TMEM50B: variants seen among roughly 807,000 people sequenced by gnomAD.
TMEM50B encodes transmembrane protein 50B.
A neutral mutation model predicts 23.4 loss-of-function variants in TMEM50B; 14 were observed. The ratio of observed to expected loss-of-function variants is 0.60; its 90% CI spans 0.39 to 0.93. The LOEUF (loss-of-function observed/expected upper bound fraction) is 0.93. TMEM50B is among the 40% of genes least tolerant of loss of function. TMEM50B has a pLI of 0.00. For missense variants in TMEM50B, 159 were observed against 193.0 expected (o/e 0.82, Z 1.04); for synonymous variants, 64 against 62.3 (o/e 1.03, Z -0.13).
chr21:33,436,797 A>C, intron 8 of TMEM50B: 1 of 1,603,818 alleles, frequency 6.2e-7, no homozygotes. Flanking sequence ...CTGGTAAACT[A>C]ATTACAATTT....
intron 8 of TMEM50B, among the ~76,000 whole-genome samples, chr21:33,436,423 C>A (rs1420267275): frequency 6.6e-6 from 1 of 151,056 alleles, no homozygotes; most frequent in Non-Finnish European, 1.5e-5. Flanking sequence ...AATAACTATA[C>A]CAATTAAAAC....
chr21:33,443,541 G>A (rs1422830567), intron 7 of TMEM50B, among the ~76,000 whole-genome samples: 3 of 152,292 alleles, frequency 2.0e-5, no homozygotes, highest in East Asian at 3.9e-4. Flanking sequence ...AAAGACTGAA[G>A]AACCATTCCA....
At chr21:33,475,476 A>T (rs756493266) in intron 1 of TMEM50B, among the ~76,000 whole-genome samples, 2 of 151,872 alleles carry the variant, frequency 1.3e-5, no homozygotes, top group Non-Finnish European at 2.9e-5. Flanking sequence ...CCTCCCAAGT[A>T]GCTGGGATTA....
chr21:33,462,102 T>A (rs1361298644), intron 4 of TMEM50B, among the ~76,000 whole-genome samples: 2 of 152,192 alleles, frequency 1.3e-5, no homozygotes, highest in East Asian at 3.8e-4. Flanking sequence ...ATCATTTTTC[T>A]ACCTAGTTCC....
intron 4 of TMEM50B, among the ~76,000 whole-genome samples, chr21:33,463,444 A>G (rs891646865): frequency 6.6e-6 from 1 of 152,236 alleles, no homozygotes; most frequent in Non-Finnish European, 1.5e-5. Flanking sequence ...CAACCATCAT[A>G]GAAAGTAGAT....
At chr21:33,460,564 G>A (rs1228745230) in intron 4 of TMEM50B, 59 bp from the exon 5 acceptor site, 2 of 986,142 alleles carry the variant, frequency 2.0e-6, no homozygotes, top group Non-Finnish European at 1.5e-6. Context: ...AACGTCTTAG[G>A]AATACATAAT....
chr21:33,468,121 A>T (rs1025111030), intron 2 of TMEM50B, among the ~76,000 whole-genome samples: 2 of 147,152 alleles, frequency 1.4e-5, no homozygotes, highest in African/African-American at 4.9e-5. Context: ...ATAAACCAAG[A>T]TAGGTCCTGA....
chr21:33,443,285 C>G (rs1057267692), intron 7 of TMEM50B, among the ~76,000 whole-genome samples: 1 of 152,172 alleles, frequency 6.6e-6, no homozygotes, highest in African/African-American at 2.4e-5. Context: ...TCCTGTGACC[C>G]TTAATACAAC....
chr21:33,465,380 C>G lies in TMEM50B; in HGVS notation c.242G>C (p.Arg81Thr). 1 of 1,613,190 alleles carries G rather than the reference C, an allele frequency of 6.2e-7. No homozygotes were observed. The highest frequency in any genetic ancestry group is 8.5e-7 in the Non-Finnish European group (1 of 1,179,796). ...MINAVSNAQV[R>T]GDSYESGCLG... ...ACAGCCGCTTTCATAGCTATCACCT[C>G]TCACCTGAGCATTGGATACAGCATT... Residue 81 changes from arginine to threonine, a missense_variant, in exon 4 of 7, where the codon AGA (arginine) becomes ACA (threonine). By Grantham distance (71) the Arg-to-Thr change is moderately conservative (BLOSUM62 -1). Coordinates refer to ENST00000542230, the MANE Select transcript of TMEM50B (RefSeq NM_006134.7).
At chr21:33,472,315 G>A (rs1027837622) in intron 1 of TMEM50B, among the ~76,000 whole-genome samples, 66 of 148,136 alleles carry the variant, frequency 4.5e-4, no homozygotes, top group African/African-American at 1.5e-3. Context: ...CCCAGGAGGC[G>A]GAGGTTGCAG....
chr21:33,463,363 T>C (rs2084234468), intron 4 of TMEM50B, among the ~76,000 whole-genome samples: 2 of 152,152 alleles, frequency 1.3e-5, no homozygotes, highest in African/African-American at 4.8e-5. Flanking sequence ...TCAAAGCTGC[T>C]TTATTTGGTT....
chr21:33,434,777 A>G (rs185281675), intron 8 of TMEM50B, among the ~76,000 whole-genome samples: 2 of 152,268 alleles, frequency 1.3e-5, no homozygotes, highest in East Asian at 3.9e-4. Flanking sequence ...TCCCTGGTTA[A>G]TATTGTCACA....
At chr21:33,435,208 T>A (rs1322310100) in intron 8 of TMEM50B, among the ~76,000 whole-genome samples, 3 of 152,170 alleles carry the variant, frequency 2.0e-5, no homozygotes, top group African/African-American at 7.2e-5. Flanking sequence ...GAAACACCCC[T>A]TTATATGTTA....
At chr21:33,437,975 C>T (rs2083973747) in intron 8 of TMEM50B, among the ~76,000 whole-genome samples, 1 of 144,790 alleles carries the variant, frequency 6.9e-6, no homozygotes, top group African/African-American at 2.5e-5. Context: ...AGAGCGAGAC[C>T]CTATCTCAAA....
intron 1 of TMEM50B, chr21:33,478,795 C>T: frequency 2.1e-6 from 1 of 471,020 alleles, no homozygotes; most frequent in Non-Finnish European, 4.4e-6. Flanking sequence ...GAAATGCATG[C>T]AGGTTTAAAA....
chr21:33,445,493 A>G (rs1429500714), downstream of TMEM50B, among the ~76,000 whole-genome samples: 1 of 152,280 alleles, frequency 6.6e-6, no homozygotes, highest in Non-Finnish European at 1.5e-5. Context: ...GAAAGGAAAC[A>G]TCCCTTCAAA....
chr21:33,475,734 C>T (rs572723812), intron 1 of TMEM50B, among the ~76,000 whole-genome samples: 2 of 152,170 alleles, frequency 1.3e-5, no homozygotes, highest in East Asian at 2.0e-4. Flanking sequence ...GTGGGCAGAT[C>T]ATGAGGTCAG....
At chr21:33,462,547 C>A (rs546974624) in intron 4 of TMEM50B, among the ~76,000 whole-genome samples, 8 of 152,052 alleles carry the variant, frequency 5.3e-5, no homozygotes, top group African/African-American at 1.7e-4. Context: ...TGGCTTACAC[C>A]GGTAATCCCA....
chr21:33,447,271 TC>T (rs2084070285), downstream of TMEM50B: 1 of 152,050 alleles, frequency 6.6e-6, no homozygotes, highest in Non-Finnish European at 1.5e-5. Flanking sequence ...CCACCAGTGT[TC>T]TAAAAGCAAC....
Sources: allele counts gnomAD v4.1 joint callset (sites outside exome capture counted in the v4.1 genomes callset), GRCh38; gene constraint gnomAD v4.1.1; transcripts MANE v1.5; gene names NCBI Gene and HGNC (gene_info 2026-07-23, HGNC 2026-07-21).